The following ZNF587 variants were observed in gnomAD, a reference collection of about 807,000 sequenced individuals.
ZNF587 encodes zinc finger protein zfp6.
ZNF587 carries 8 observed loss-of-function variants against 7.5 expected under a neutral mutation model. That is an observed-to-expected ratio of 1.06 (90% CI 0.62 to 1.92). The LOEUF (loss-of-function observed/expected upper bound fraction) is 1.92. Among genes scored for constraint, ZNF587 ranks in the 40% most tolerant of loss-of-function variants. The pLI is 0.00. For synonymous variants in ZNF587, 145 were observed against 237.8 expected (o/e 0.61, Z 3.59); for missense variants, 468 against 692.8 (o/e 0.68, Z 3.64).
rs944751361 is a variant in ZNF587, at chr19:57,863,115, A to ATT, written c.*2981_*2982dup. ...CACAAGCGCCCACCACGTCAGCTTA[A>ATT]TTTTTTTGTTTTGTTTCTTGAGACA... On this transcript the variant is annotated 3_prime_UTR_variant, in exon 3 of 3. Transcript: ENST00000339656. The ATT allele has an allele frequency of 6.6e-6, 1 of 152,396 alleles. No homozygotes were observed. Among genetic ancestry groups the ATT allele is most frequent in the Non-Finnish European group, 1.5e-5 (1 of 68,150 alleles). The allele number at this position is 152,396 out of a possible 1,614,324, so 9.4% of individuals were successfully genotyped here.
rs1311209808 is a variant in ZNF587 at position 57,860,418 on chromosome 19, A to G, written c.*278A>G. ...TGAGTAGCTGGGATTATGAGTACAC[A>G]CCACCACGCCCAGCTAATTTTTGTG... On this transcript the variant is annotated 3_prime_UTR_variant, in exon 3 of 3. Coordinates refer to ENST00000339656, the MANE Select transcript of ZNF587 (RefSeq NM_032828.4). 5.8e-6 allele frequency: 3 copies of G among 514,436 alleles called. No homozygotes were observed. Among genetic ancestry groups the G allele is most frequent in the Non-Finnish European group, 1.0e-5 (3 of 290,506 alleles). The allele number at this position is 514,436 out of a possible 1,614,324, so 31.9% of individuals were successfully genotyped here.
Position 57,860,246 on chromosome 19 carries a change from T to G in ZNF587, c.*106T>G, listed in dbSNP as rs760792145. The G allele has an allele frequency of 1.3e-6, 2 of 1,584,192 alleles. No homozygotes were observed. Among genetic ancestry groups the G allele is most frequent in the South Asian group, 1.1e-5 (1 of 89,108 alleles). On this transcript the variant is annotated 3_prime_UTR_variant, in exon 3 of 3. Transcript: ENST00000339656. Reference sequence around the variant, plus strand: ...ATGAGTGCTGTCAATGTGGAAAACATCAGAATGTCTGCTGTCCTCGGTCTT... The same window carrying G: ...ATGAGTGCTGTCAATGTGGAAAACAGCAGAATGTCTGCTGTCCTCGGTCTT...
rs574635804 is a variant in ZNF587 at position 57,853,014 on chromosome 19, G to A, written c.33+2943G>A. 6.0e-5 allele frequency among the ~76,000 whole-genome samples: 9 copies of A among 149,136 alleles called. 1 individual carries two copies. In the East Asian group the frequency reaches 1.0e-3, roughly 17 times the overall value. On this transcript the variant is annotated intron_variant, in intron 1 of 2. Transcript: ENST00000339656. ...ATTACAGGCATGTACCACCACACTC[G>A]GCTAATTTTTCTATTTTTAGTAAAG...
chr19:57,854,850 G>C (rs985572990), intron 1 of ZNF587, among the ~76,000 whole-genome samples: 34 of 151,676 alleles, frequency 2.2e-4, no homozygotes, highest in Non-Finnish European at 3.7e-4. Context: ...AGACCAGCCT[G>C]GCCAACATGG....
At position 57,859,952 on chromosome 19, in the gene ZNF587, C is replaced by T. The variant is rs373357937; in HGVS notation, c.1540C>T (p.His514Tyr). The change falls in exon 3 of 3, where the codon CAT becomes TAT. Residue 514 changes from histidine to tyrosine, a missense_variant. By Grantham distance (83) the His-to-Tyr change is moderately conservative. This residue lies in a region of ZNF587 where 310 missense variants were observed against 325.6 expected (regional missense o/e 0.95). Coordinates refer to ENST00000339656, the MANE Select transcript of ZNF587 (RefSeq NM_032828.4). ...TGCGCTTCATGTTCATAAAAGAGTTCATTCTGGACAAAAGCCTTATAAGTG... is the reference window on the plus strand; with the variant it reads ...TGCGCTTCATGTTCATAAAAGAGTTTATTCTGGACAAAAGCCTTATAAGTG... ...SSALHVHKRV[H>Y]SGQKPYKCSE... 1.9e-5 allele frequency: 30 copies of T among 1,613,962 alleles called. No homozygotes were observed. Among genetic ancestry groups the T allele is most frequent in the Non-Finnish European group, 2.5e-5 (30 of 1,180,002 alleles).
In ZNF587 at chr19:57,860,510, C is replaced by A. The variant is rs768791201; in HGVS notation, c.*370C>A. ...TCTCAAACTCCTGACCTCAAGTGAT[C>A]CACCCACCTTGACTCCCAAAGTGCT... is the stretch of plus-strand genomic sequence containing the variant. On this transcript the variant is annotated 3_prime_UTR_variant, in exon 3 of 3. Transcript: ENST00000339656. 2 of 285,958 alleles carry A rather than the reference C, an allele frequency of 7.0e-6. No individual in the cohort carries two copies. Among genetic ancestry groups the A allele is most frequent in the Non-Finnish European group, 1.3e-5 (2 of 149,202 alleles). 17.7% of individuals were successfully genotyped at this position (285,958 alleles called of 1,614,324 possible). A position where few individuals can be genotyped will look rare whatever the true frequency, so the allele number is the denominator to read the frequency against.
intron 2 of ZNF587, among the ~76,000 whole-genome samples, chr19:57,857,860 T>C (rs2071382384): frequency 6.6e-6 from 1 of 151,894 alleles, no homozygotes; most frequent in Non-Finnish European, 1.5e-5. Flanking sequence ...GGTCTCGAAC[T>C]CCTGACGTCA....
Position 57,850,013 on chromosome 19 carries a change from C to T in ZNF587, c.-26C>T, listed in dbSNP as rs748695423. 27 of 1,614,092 alleles carry T rather than the reference C, an allele frequency of 1.7e-5. No homozygotes were observed. Among genetic ancestry groups the T allele is most frequent in the Non-Finnish European group, 2.0e-5 (24 of 1,180,056 alleles). On this transcript the variant is annotated 5_prime_UTR_variant, in exon 1 of 3. Coordinates refer to ENST00000339656, the MANE Select transcript of ZNF587 (RefSeq NM_032828.4). Reference sequence around the variant, plus strand: ...GCCCCGTGACGGCGACCACTGCTCCCGGGCCGTGCTTCCCCAAGTAGTCCG... The same window carrying T: ...GCCCCGTGACGGCGACCACTGCTCCTGGGCCGTGCTTCCCCAAGTAGTCCG...
intron 2 of ZNF587, chr19:57,858,271 T>C (rs1264828082): frequency 8.1e-6 from 3 of 372,064 alleles, no homozygotes; most frequent in Non-Finnish European, 1.5e-5. Flanking sequence ...GGATTACAGG[T>C]GTCCACAACC....
chr19:57,857,896 A>G (rs549615985), intron 2 of ZNF587, among the ~76,000 whole-genome samples: 1 of 151,966 alleles, frequency 6.6e-6, no homozygotes, highest in Admixed American at 6.6e-5. Flanking sequence ...TCGGCCTTGC[A>G]AAGTGCTGGG....
intron 1 of ZNF587, among the ~76,000 whole-genome samples, chr19:57,853,201 G>A (rs1452595732): frequency 6.6e-6 from 1 of 152,172 alleles, no homozygotes; most frequent in African/African-American, 2.4e-5. Context: ...AAGAGGAATC[G>A]GGCATGAGCC....
Position 57,859,898 on chromosome 19 carries a change from G to C in ZNF587, c.1486G>C (p.Glu496Gln). 1.9e-6 allele frequency: 3 copies of C among 1,614,030 alleles called. No individual in the cohort carries two copies. The highest frequency in any genetic ancestry group is 1.1e-5 in the South Asian group (1 of 91,076). ...HTGERPYECS[E>Q]CGKSFLSSSA... ...TGGAGAAAGGCCGTATGAATGCAGT[G>C]AATGTGGGAAATCATTTCTTTCCAG... The change falls in exon 3 of 3, where the codon GAA becomes CAA. Residue 496 changes from glutamate to glutamine, a missense_variant. Physicochemically the swap from Glu to Gln is conservative, Grantham distance 29. Around this residue, in one of 5 missense-constraint regions of ZNF587, gnomAD observed 310 missense variants for 325.6 expected, o/e 0.95. Transcript: ENST00000339656.
intron 1 of ZNF587, chr19:57,854,133 G>C (rs549486094): frequency 1.3e-5 from 2 of 152,298 alleles, no homozygotes; most frequent in Admixed American, 1.3e-4. Flanking sequence ...CATTCAGCCT[G>C]GTGCATATGG....
chr19:57,860,410 G>A lies in ZNF587; in HGVS notation c.*270G>A, dbSNP rs1239292957. The A allele has an allele frequency of 3.6e-6, 2 of 552,684 alleles. No homozygotes were observed. The highest frequency in any genetic ancestry group is 3.3e-5 in the East Asian group (1 of 30,298). 34.2% of individuals were successfully genotyped at this position (552,684 alleles called of 1,614,324 possible). On this transcript the variant is annotated 3_prime_UTR_variant, in exon 3 of 3. Coordinates refer to ENST00000339656, the MANE Select transcript of ZNF587 (RefSeq NM_032828.4). ...CAGCCTCCTGAGTAGCTGGGATTAT[G>A]AGTACACACCACCACGCCCAGCTAA... is the stretch of plus-strand genomic sequence containing the variant.
rs59253366 is a variant in ZNF587, at chr19:57,861,773, CT to C, written c.*1649del. ...TTTGCTGCAAGGAATATTTGGTTTT[CT>C]TTTTTTTTTTTTTTTCCAGATGGAG... On this transcript the variant is annotated 3_prime_UTR_variant, in exon 3 of 3. Transcript: ENST00000339656. 4.5e-3 allele frequency: 531 copies of C among 119,250 alleles called. 14 individuals are homozygous for C. The highest frequency in any genetic ancestry group is 9.1e-3 in the African/African-American group (266 of 29,308). 7.4% of individuals were successfully genotyped at this position (119,250 alleles called of 1,614,324 possible). A position where few individuals can be genotyped will look rare whatever the true frequency, so the allele number is the denominator to read the frequency against.
chr19:57,850,515 C>G, intron 1 of ZNF587: 1 of 467,262 alleles, frequency 2.1e-6, no homozygotes. Flanking sequence ...CTGATTGACC[C>G]AGATTACCGG....
intron 2 of ZNF587, among the ~76,000 whole-genome samples, chr19:57,857,642 G>A (rs911916355): frequency 4.6e-5 from 7 of 151,616 alleles, no homozygotes; most frequent in Non-Finnish European, 1.0e-4. Flanking sequence ...GTGTGTATAT[G>A]TATATTTTTG....
chr19:57,865,061 G>GT lies in ZNF587; in HGVS notation c.*4923dup, dbSNP rs1284880349. 1 of 152,146 alleles carries GT rather than the reference G, an allele frequency of 6.6e-6. No individual in the cohort carries two copies. Among genetic ancestry groups the GT allele is most frequent in the African/African-American group, 2.4e-5 (1 of 41,436 alleles). The allele number at this position is 152,146 out of a possible 1,614,324, so 9.4% of individuals were successfully genotyped here. On this transcript the variant is annotated 3_prime_UTR_variant, in exon 3 of 3. Transcript: ENST00000339656. The stretch of plus-strand genomic sequence containing the variant: ...CAACTTTTGTTAATTCTCTTATGAA[G>GT]TTAATCTTCCTGCTTGTATGTGAAT...
At chr19:57,856,364 T>G in intron 2 of ZNF587, 131 bp downstream of exon 2, 2 of 1,450,496 alleles carry the variant, frequency 1.4e-6, no homozygotes, top group Non-Finnish European at 1.8e-6. Context: ...GTGTAAGTTG[T>G]GTGGTTCGTA....
Sources: gnomAD v4.1 joint callset for allele counts (sites outside exome capture counted in the v4.1 genomes callset) on GRCh38, gnomAD v4.1.1 for gene constraint, gnomAD v4.1.1 regional missense constraint, MANE v1.5 for transcripts, NCBI Gene and HGNC (gene_info 2026-07-23, HGNC 2026-07-21) for gene names.